Variants in GLP1R observed in about 807,000 individuals in gnomAD.
GLP1R encodes the protein glucagon like peptide 1 receptor.
GLP1R carries 32 observed loss-of-function variants against 68.4 expected under a neutral mutation model. The ratio of observed to expected loss-of-function variants is 0.47; its 90% confidence interval spans 0.35 to 0.63. GLP1R has a LOEUF of 0.63. Ranked by LOEUF, GLP1R falls within the 20% of genes least tolerant of loss-of-function variation. GLP1R has a pLI of 0.00. For synonymous variants in GLP1R, 263 were observed against 244.4 expected (o/e 1.08, Z -0.71); for missense variants, 502 against 594.9 (o/e 0.84, Z 1.62).
At position 39,089,178 on chromosome 6, in the gene GLP1R, TCTTAAA is replaced by T. The variant is rs1769218304; in HGVS notation, c.*3111_*3116del. On this transcript the variant is annotated 3_prime_UTR_variant, in exon 13 of 13. Transcript: ENST00000373256. This position sits in a 1 kb window ranked among gnomAD's most constrained non-coding sequence, Gnocchi z 4.1. The stretch of plus-strand genomic sequence containing the variant: ...TACACTGGTACTTCATTCATCCTTG[TCTTAAA>T]CTTAAGAAATGAAATGCATCAGGGC... Among the ~76,000 whole-genome samples the T allele has an allele frequency of 6.6e-6, 1 of 152,220 alleles. No individual in the cohort carries two copies. Among genetic ancestry groups the T allele is most frequent in the South Asian group, 2.1e-4 (1 of 4,828 alleles).
rs1242164805 is a variant in GLP1R, at chr6:39,090,861, T to C, written c.*4788T>C. Among the ~76,000 whole-genome samples, 1 of 152,144 alleles carries C rather than the reference T, an allele frequency of 6.6e-6. No homozygotes were observed. Among genetic ancestry groups the C allele is most frequent in the Non-Finnish European group, 1.5e-5 (1 of 68,016 alleles). ...CTTTGCAGGGGAGCCAACGGGGGCATTGAGGGAAGGGCAAAATTCACCCCA... is the reference window on the plus strand; with the variant it reads ...CTTTGCAGGGGAGCCAACGGGGGCACTGAGGGAAGGGCAAAATTCACCCCA... On this transcript the variant is annotated 3_prime_UTR_variant, in exon 13 of 13. Transcript: ENST00000373256.
intron 1 of GLP1R, among the ~76,000 whole-genome samples, chr6:39,053,893 T>A (rs1358669727): frequency 6.6e-6 from 1 of 152,000 alleles, no homozygotes; most frequent in African/African-American, 2.4e-5. Context: ...CACCACTCTC[T>A]CCCTGCCCCA....
intron 2 of GLP1R, among the ~76,000 whole-genome samples, chr6:39,056,952 T>C (rs2150821695): frequency 6.6e-6 from 1 of 152,288 alleles, no homozygotes; most frequent in South Asian, 2.1e-4. Flanking sequence ...AACATATTTA[T>C]AGGAATAAAT....
chr6:39,048,989 G>T, intron 1 of GLP1R, 71 bp downstream of exon 1: 4 of 616,558 alleles, frequency 6.5e-6, no homozygotes, highest in African/African-American at 2.0e-5. Flanking sequence ...CAGTGTCCTG[G>T]TGGAGGGCCC....
rs1769172321 is a variant in GLP1R at position 39,087,143 on chromosome 6, C to G, written c.*1070C>G. 6.6e-6 allele frequency: 1 copy of G among 152,248 alleles called. No homozygotes were observed. The highest frequency in any genetic ancestry group is 2.4e-5 in the African/African-American group (1 of 41,454). 9.4% of individuals were successfully genotyped at this position (152,248 alleles called of 1,614,324 possible). A position where few individuals can be genotyped will look rare whatever the true frequency, so the allele number is the denominator to read the frequency against. The stretch of plus-strand genomic sequence containing the variant: ...GGCTCCCCCTGCCTTTGAAATTCCC[C>G]CACTTGGGAGCTTGTATATACTTCA... On this transcript the variant is annotated 3_prime_UTR_variant, in exon 13 of 13. Transcript: ENST00000373256.
chr6:39,073,819 C>G (rs761399283), intron 7 of GLP1R, 50 bp downstream of exon 7: 2 of 1,526,156 alleles, frequency 1.3e-6, no homozygotes, highest in Non-Finnish European at 9.1e-7. Context: ...GGGTGGGAGA[C>G]CTTGACCCCT....
chr6:39,049,573 G>T lies in GLP1R; in HGVS notation c.78+655G>T, dbSNP rs928977358. ...AGCCTCTGTAGCAAACAGGCAGAAG[G>T]CTCAGTGCCCCCCTGGAAGCAGCCA... On this transcript the variant is annotated intron_variant, in intron 1 of 12. Transcript: ENST00000373256. This position sits in a 1 kb window ranked among gnomAD's most constrained non-coding sequence, Gnocchi z 4.5. Among the ~76,000 whole-genome samples, 5 of 152,004 alleles carry T rather than the reference G, an allele frequency of 3.3e-5. No homozygotes were observed. The highest frequency in any genetic ancestry group is 6.5e-5 in the Admixed American group (1 of 15,274).
intron 12 of GLP1R, among the ~76,000 whole-genome samples, chr6:39,082,882 C>T (rs1769042673): frequency 6.6e-6 from 1 of 151,996 alleles, no homozygotes; most frequent in South Asian, 2.1e-4. Context: ...CTTCTCTATC[C>T]TCTGACACTG....
chr6:39,072,943 G>C lies in GLP1R; in HGVS notation c.591G>C (p.Lys197Asn). The C allele has an allele frequency of 6.2e-7, 1 of 1,614,134 alleles. No individual in the cohort carries two copies. Among genetic ancestry groups the C allele is most frequent in the South Asian group, 1.1e-5 (1 of 91,080 alleles). ...FILRALSVFIKDAALKWMYST... is the reference protein window; with the variant it reads ...FILRALSVFINDAALKWMYST... ...TGCGAGCATTGTCCGTCTTCATCAA[G>C]GACGCAGCCCTGAAGTGGATGTATA... Residue 197 changes from lysine (K) to asparagine (N), a missense_variant, in exon 6 of 13, where the codon AAG becomes AAC. By Grantham distance (94) the Lys-to-Asn change is moderately conservative. Coordinates refer to ENST00000373256, the MANE Select transcript of GLP1R (RefSeq NM_002062.5).
chr6:39,072,694 C>T (rs1187275043), intron 5 of GLP1R, among the ~76,000 whole-genome samples, 168 bp from the exon 6 acceptor site: 1 of 152,060 alleles, frequency 6.6e-6, no homozygotes, highest in East Asian at 1.9e-4. Context: ...TTGAGTTGGA[C>T]AGAAGGATTT....
chr6:39,065,978 G>C (rs1388172944), intron 4 of GLP1R, 149 bp downstream of exon 4: 4 of 644,138 alleles, frequency 6.2e-6, no homozygotes, highest in Admixed American at 2.6e-5. Flanking sequence ...CATGCTTTCT[G>C]GACAAAGGTG....
chr6:39,064,337 G>T (rs2150826731), intron 3 of GLP1R, among the ~76,000 whole-genome samples: 1 of 152,146 alleles, frequency 6.6e-6, no homozygotes, highest in South Asian at 2.1e-4. Flanking sequence ...CTCTCCACAT[G>T]AACACTGAGC....
At chr6:39,065,301 G>A (rs897354706) in intron 3 of GLP1R, among the ~76,000 whole-genome samples, 1 of 152,196 alleles carries the variant, frequency 6.6e-6, no homozygotes, top group African/African-American at 2.4e-5. Flanking sequence ...GTGACTGCGG[G>A]GCAGGCACGG....
At chr6:39,057,287 CTGAT>C (rs1228941784) in intron 2 of GLP1R, among the ~76,000 whole-genome samples, 181 bp from the exon 3 acceptor site, 1 of 152,216 alleles carries the variant, frequency 6.6e-6, no homozygotes, top group Non-Finnish European at 1.5e-5. Context: ...GGTCCTGCCA[CTGAT>C]AAGTGGCAAG....
intron 4 of GLP1R, 123 bp from the exon 5 acceptor site, chr6:39,066,074 T>C (rs1768503008): frequency 1.6e-6 from 1 of 632,272 alleles, no homozygotes; most frequent in African/African-American, 1.8e-5. Context: ...TCTTTCTTGG[T>C]CTTGGTATCC....
chr6:39,078,017 C>G (rs2150835318), intron 7 of GLP1R, among the ~76,000 whole-genome samples: 1 of 152,206 alleles, frequency 6.6e-6, no homozygotes, highest in Non-Finnish European at 1.5e-5. Flanking sequence ...GTTTGTGTGT[C>G]TGTGGCCTGG....
rs1188229383 is a variant in GLP1R at position 39,057,475 on chromosome 6, T to C, written c.179T>C (p.Leu60Ser). 1 of 1,608,172 alleles carries C rather than the reference T, an allele frequency of 6.2e-7. No individual in the cohort carries two copies. The highest frequency in any genetic ancestry group is 1.1e-5 in the South Asian group (1 of 90,886). ...LTEDPPPATD[L>S]FCNRTFDEYA... is the part of the protein sequence containing the mutation. ...AGACTGTTCTTTCTGCTCCCAGACT[T>C]GTTCTGCAACCGGACCTTCGATGAA... is the stretch of plus-strand genomic sequence containing the variant. The change falls in exon 3 of 13, where the codon TTG becomes TCG. Residue 60 changes from leucine to serine, a missense_variant. By Grantham distance (145) the Leu-to-Ser change is moderately radical (BLOSUM62 -2). Coordinates refer to ENST00000373256, the MANE Select transcript of GLP1R (RefSeq NM_002062.5).
intron 12 of GLP1R, among the ~76,000 whole-genome samples, chr6:39,082,433 C>T (rs936170969): frequency 6.6e-5 from 10 of 152,042 alleles, no homozygotes; most frequent in Non-Finnish European, 1.5e-4. Context: ...GAAGCAGGTG[C>T]TGGGGAGGTG....
Position 39,073,611 on chromosome 6 carries a change from A to G in GLP1R, c.665A>G (p.Asp222Gly). 6.2e-7 allele frequency: 1 copy of G among 1,613,028 alleles called. No homozygotes were observed. Among genetic ancestry groups the G allele is most frequent in the Non-Finnish European group, 8.5e-7 (1 of 1,179,652 alleles). The change falls in exon 7 of 13, where the codon GAC becomes GGC. Residue 222 changes from aspartate (D) to glycine (G), a missense_variant and splice_region_variant. Coordinates refer to ENST00000373256, the MANE Select transcript of GLP1R (RefSeq NM_002062.5). Reference sequence around the variant, plus strand: ...ATGACACCCTTCCTCTACCCCCAGGACTCTCTGAGCTGCCGCCTGGTGTTT... The same window carrying G: ...ATGACACCCTTCCTCTACCCCCAGGGCTCTCTGAGCTGCCGCCTGGTGTTT... ...HQWDGLLSYQ[D>G]SLSCRLVFLL...
Sources: gnomAD v4.1 joint callset for allele counts (sites outside exome capture counted in the v4.1 genomes callset) on GRCh38, gnomAD v4.1.1 for gene constraint, Gnocchi (gnomAD v3.1) non-coding constraint, MANE v1.5 for transcripts, NCBI Gene and HGNC (gene_info 2026-07-23, HGNC 2026-07-21) for gene names.